Variants in SYT14 observed in about 807,000 individuals in gnomAD.
SYT14 encodes synaptotagmin-14.
SYT14 carries 32 observed loss-of-function variants against 74.2 expected under a neutral mutation model. The observed-to-expected ratio is 0.43, with a 90% CI of 0.33 to 0.58. The LOEUF is 0.58. Among genes scored for constraint, SYT14 ranks in the 20% least tolerant of loss-of-function variants. SYT14 has a pLI of 0.05. For missense variants in SYT14, 791 were observed against 981.8 expected (o/e 0.81, Z 2.60); for synonymous variants, 298 against 337.7 (o/e 0.88, Z 1.29).
At chr1:210,012,881 T>G (rs1269447940) in intron 2 of SYT14, among the ~76,000 whole-genome samples, 1 of 151,992 alleles carries the variant, frequency 6.6e-6, no homozygotes, top group East Asian at 1.9e-4. Context: ...TTTGTACTTT[T>G]AGTAGAGACA....
intron 5 of SYT14, among the ~76,000 whole-genome samples, chr1:210,083,790 G>A (rs183168585): frequency 1.0e-4 from 15 of 143,464 alleles, no homozygotes; most frequent in Admixed American, 3.4e-4. Context: ...GCTTAGTCTC[G>A]AACTCCTGGG....
chr1:210,088,619 A>C (rs1402298219), intron 5 of SYT14, among the ~76,000 whole-genome samples: 3 of 152,102 alleles, frequency 2.0e-5, no homozygotes, highest in Non-Finnish European at 4.4e-5. Flanking sequence ...GATAAAGAAA[A>C]TGTGGCACAT....
chr1:210,049,199 T>G (rs2080941884), intron 5 of SYT14, among the ~76,000 whole-genome samples: 1 of 152,132 alleles, frequency 6.6e-6, no homozygotes, highest in South Asian at 2.1e-4. Context: ...GTGGCCCTTT[T>G]CTCACAGCTC....
At chr1:210,110,007 T>C (rs1435876987) in intron 7 of SYT14, among the ~76,000 whole-genome samples, 1 of 152,024 alleles carries the variant, frequency 6.6e-6, no homozygotes, top group Non-Finnish European at 1.5e-5. Context: ...CTCAGCAAAC[T>C]AACACAGGAA....
At chr1:210,085,273 A>T (rs2081700409) in intron 5 of SYT14, among the ~76,000 whole-genome samples, 2 of 152,308 alleles carry the variant, frequency 1.3e-5, no homozygotes, top group Middle Eastern at 3.4e-3. Context: ...CTCTTAGTAG[A>T]TTATCTCTAA....
chr1:209,993,561 A>G (rs2079732240), intron 2 of SYT14, among the ~76,000 whole-genome samples: 1 of 152,160 alleles, frequency 6.6e-6, no homozygotes, highest in Admixed American at 6.5e-5. Context: ...GGGTTCCTGG[A>G]CCAGGGTGGG....
chr1:210,047,348 T>G (rs2080904872), intron 5 of SYT14, among the ~76,000 whole-genome samples: 1 of 152,124 alleles, frequency 6.6e-6, no homozygotes, highest in Non-Finnish European at 1.5e-5. Flanking sequence ...GGTATAGTTT[T>G]TTTTCATTAT....
intron 5 of SYT14, among the ~76,000 whole-genome samples, chr1:210,047,558 C>A (rs1430766736): frequency 6.6e-6 from 1 of 152,082 alleles, no homozygotes; most frequent in East Asian, 1.9e-4. Flanking sequence ...CCACCACACC[C>A]GGCTGATTTT....
At chr1:210,139,041 C>G (rs1392921360) in intron 7 of SYT14, among the ~76,000 whole-genome samples, 1 of 151,506 alleles carries the variant, frequency 6.6e-6, no homozygotes, top group Non-Finnish European at 1.5e-5. Context: ...TTACCTGTTT[C>G]ATGTATTTGA....
chr1:210,143,404 GC>G (rs1249177293), intron 7 of SYT14, among the ~76,000 whole-genome samples: 1 of 152,094 alleles, frequency 6.6e-6, no homozygotes, highest in Non-Finnish European at 1.5e-5. Flanking sequence ...GTAAACAATA[GC>G]AATTACAATA....
At chr1:210,030,151 T>C (rs539858457) in intron 5 of SYT14, among the ~76,000 whole-genome samples, 1 of 152,180 alleles carries the variant, frequency 6.6e-6, no homozygotes, top group East Asian at 1.9e-4. Context: ...TTTGTTTTTG[T>C]TTTTGTTTTT....
At chr1:210,013,916 A>G (rs1214887700) in intron 3 of SYT14, 119 bp downstream of exon 3, 4 of 967,790 alleles carry the variant, frequency 4.1e-6, no homozygotes, top group East Asian at 2.7e-5. Context: ...TATTTGAGCT[A>G]CTGTTCTGTA....
At chr1:210,094,215 C>T in intron 5 of SYT14, 107 bp from the exon 5 acceptor site, 4 of 1,421,826 alleles carry the variant, frequency 2.8e-6, no homozygotes, top group Non-Finnish European at 3.9e-6. Context: ...AGTTATGTTG[C>T]CATCAATTTT....
At chr1:209,971,793 T>A (rs2102755441) in intron 2 of SYT14, among the ~76,000 whole-genome samples, 1 of 152,300 alleles carries the variant, frequency 6.6e-6, no homozygotes, top group South Asian at 2.1e-4. Flanking sequence ...TTGCTAATAT[T>A]TTGTTGAGAA....
Position 210,052,569 on chromosome 1 carries a change from A to G in SYT14, c.1312+31315A>G, listed in dbSNP as rs984052757. ...TCCCAGCTACTCAGGAGGCTGACGC[A>G]GGAGAATCACGTGAACCCAGAGCCG... is the stretch of plus-strand genomic sequence containing the variant. On this transcript the variant is annotated intron_variant, in intron 5 of 9. Transcript: ENST00000637265. Among the ~76,000 whole-genome samples, 3 of 150,142 alleles carry G rather than the reference A, an allele frequency of 2.0e-5. No individual in the cohort carries two copies. In the South Asian group the frequency reaches 6.5e-4, roughly 32 times the overall value.
chr1:210,006,793 A>G (rs899767325), intron 2 of SYT14, among the ~76,000 whole-genome samples: 3 of 151,932 alleles, frequency 2.0e-5, no homozygotes, highest in Non-Finnish European at 4.4e-5. Context: ...ATTTGTTTTG[A>G]TAGAAATATT....
At chr1:209,985,405 G>A (rs924245400) in intron 2 of SYT14, among the ~76,000 whole-genome samples, 1 of 152,208 alleles carries the variant, frequency 6.6e-6, no homozygotes, top group Admixed American at 6.5e-5. Context: ...TATATTCAGG[G>A]CACACTGCTT....
chr1:210,107,500 T>A (rs10863810), intron 7 of SYT14, among the ~76,000 whole-genome samples: 26,810 of 152,028 alleles, frequency 0.18, 2,832 homozygotes, highest in Non-Finnish European at 0.22. Context: ...ATCTGGACAG[T>A]ATAAAAAATA....
exon 2 of SYT14, chr1:209,952,747 A>G (rs1312166884): frequency 1.2e-6 from 2 of 1,610,320 alleles, no homozygotes; most frequent in South Asian, 1.1e-5. Flanking sequence ...ACTTATCTGT[A>G]TTAGAAAAGG....
Sources: allele counts gnomAD v4.1 joint callset (sites outside exome capture counted in the v4.1 genomes callset), GRCh38; gene constraint gnomAD v4.1.1; transcripts MANE v1.5; gene names NCBI Gene and HGNC (gene_info 2026-07-23, HGNC 2026-07-21).